The following USP19 variants were observed in gnomAD, a reference collection of about 807,000 sequenced individuals.
USP19 encodes ubiquitin carboxyl-terminal hydrolase 19.
USP19 carries 40 observed loss-of-function variants against 144.8 expected under a neutral mutation model. The observed-to-expected ratio is 0.28, with a 90% confidence interval of 0.21 to 0.36. USP19 has a LOEUF of 0.36. Ranked by LOEUF, USP19 falls within the 10% of genes least tolerant of loss-of-function variation. The probability of loss-of-function intolerance (pLI) is 1.00; values close to 1 mark genes in which losing one functional copy is unlikely to be tolerated. For synonymous variants in USP19, 701 were observed against 709.3 expected (o/e 0.99, Z 0.19); for missense variants, 1,518 against 1,822.5 (o/e 0.83, Z 3.04).
Position 49,116,044 on chromosome 3 carries a change from G to A in USP19, c.1471+3C>T, listed in dbSNP as rs1560027496. 2 of 1,595,196 alleles carry A rather than the reference G, an allele frequency of 1.3e-6. No homozygotes were observed. Among genetic ancestry groups the A allele is most frequent in the Non-Finnish European group, 1.7e-6 (2 of 1,174,794 alleles). On this transcript the variant is annotated splice_donor_region_variant and intron_variant, in intron 10 of 26. Transcript: ENST00000417901. This position sits in a 1 kb window ranked among gnomAD's most constrained non-coding sequence, Gnocchi z 5.0. ...GGGCAATGAAGGGAGCTCGTGTGCAGACCTCGTGCAGCCGGGGCCTCCAGG... is the reference window on the plus strand; with the variant it reads ...GGGCAATGAAGGGAGCTCGTGTGCAAACCTCGTGCAGCCGGGGCCTCCAGG...
Position 49,116,446 on chromosome 3 carries a change from C to A in USP19, c.1283+5G>T. ...CATTGTTTGCCCCATCATCTACCCA[C>A]CCACCTGGTCTGGAAGATGAGCGTG... is the stretch of plus-strand genomic sequence containing the variant. On this transcript the variant is annotated splice_donor_5th_base_variant and intron_variant, in intron 8 of 26. Coordinates refer to ENST00000417901, the MANE Select transcript of USP19 (RefSeq NM_001199161.2). This position sits in a 1 kb window ranked among gnomAD's most constrained non-coding sequence, Gnocchi z 5.0. The A allele has an allele frequency of 6.2e-7, 1 of 1,614,204 alleles. No individual in the cohort carries two copies. The highest frequency in any genetic ancestry group is 8.5e-7 in the Non-Finnish European group (1 of 1,180,020).
In USP19 at chr3:49,111,255, C is replaced by T; in HGVS notation, c.3328G>A (p.Gly1110Arg). The change falls in exon 22 of 27, where the codon GGA becomes AGA. Residue 1110 changes from glycine (G) to arginine (R), a missense_variant and splice_region_variant. By Grantham distance (125) the Gly-to-Arg change is moderately radical. Around this residue, in one of 5 missense-constraint regions of USP19, gnomAD observed 413 missense variants for 515.8 expected, o/e 0.80. Transcript: ENST00000417901. This position sits in a 1 kb window ranked among gnomAD's most constrained non-coding sequence, Gnocchi z 5.9. ...GGCTCCCACCCACAGCCTCAGACAC[C>T]TTTGTCCTCTAGCCGCTGCTCTCGG... Reference protein sequence around the residue: ...SNREQRLEDKGDTPLELGDDC... With the variant: ...SNREQRLEDKRDTPLELGDDC... 6.2e-7 allele frequency: 1 copy of T among 1,614,170 alleles called. No homozygotes were observed. Among genetic ancestry groups the T allele is most frequent in the Non-Finnish European group, 8.5e-7 (1 of 1,180,030 alleles).
rs1191513334 is a variant in USP19 at position 49,110,298 on chromosome 3, A to G, written c.3924T>C (p.Tyr1308=). Residue 1308 remains tyrosine (Y), a synonymous_variant, in exon 26 of 27, where the codon TAT becomes TAC. Transcript: ENST00000417901. This position sits in a 1 kb window ranked among gnomAD's most constrained non-coding sequence, Gnocchi z 6.1. ...GCCGGCGGTAGAAGAGTACATAGGC[A>G]TAACGCGTCACAACCTGGCTCTCGT... is the stretch of plus-strand genomic sequence containing the variant. ...TVDESQVVTR[Y]AYVLFYRRRN... 3 of 1,608,460 alleles carry G rather than the reference A, an allele frequency of 1.9e-6. No homozygotes were observed. The highest frequency in any genetic ancestry group is 1.7e-6 in the Non-Finnish European group (2 of 1,176,468).
intron 1 of USP19, among the ~76,000 whole-genome samples, chr3:49,120,312 T>G (rs2044997815): frequency 6.6e-6 from 1 of 152,202 alleles, no homozygotes; most frequent in Non-Finnish European, 1.5e-5. Flanking sequence ...ACTGGTGGGC[T>G]GGATCTTTAA....
Position 49,110,980 on chromosome 3 carries a change from C to T in USP19, c.3515G>A (p.Arg1172Gln), listed in dbSNP as rs2107268307. 2 of 1,614,040 alleles carry T rather than the reference C, an allele frequency of 1.2e-6. No homozygotes were observed. Among genetic ancestry groups the T allele is most frequent in the Non-Finnish European group, 8.5e-7 (1 of 1,180,048 alleles). ...TLDQCLNLFT[R>Q]PEVLAPEEAW... ...CTCCTCGGGTGCCAGCACCTCAGGC[C>T]GTGTGAAGAGGTTGAGGCACTGGTC... The change falls in exon 23 of 27, where the codon CGG becomes CAG. Residue 1172 changes from arginine to glutamine, a missense_variant. Arg to Gln is a conservative substitution (Grantham distance 43). Around this residue, in one of 5 missense-constraint regions of USP19, gnomAD observed 122 missense variants for 200.4 expected, o/e 0.61. Transcript: ENST00000417901. The surrounding 1 kb of genome is among the most constrained non-coding windows in gnomAD (Gnocchi z 6.1).
rs987733658 is a variant in USP19 at position 49,114,820 on chromosome 3, G to A, written c.2235C>T (p.Ile745=). 2.1e-5 allele frequency: 34 copies of A among 1,614,068 alleles called. No individual in the cohort carries two copies. Among genetic ancestry groups the A allele is most frequent in the East Asian group, 1.3e-4 (6 of 44,902 alleles). ...QRHKMRNDSF[I]VDLFQGQYKS... ...TGTACTGCCCCTGAAATAGGTCCAC[G>A]ATGAAAGAGTCATTCCTCATCTTGT... The change falls in exon 15 of 27, where the codon ATC becomes ATT. Residue 745 remains isoleucine (I), a synonymous_variant. Coordinates refer to ENST00000417901, the MANE Select transcript of USP19 (RefSeq NM_001199161.2). This position sits in a 1 kb window ranked among gnomAD's most constrained non-coding sequence, Gnocchi z 4.5.
chr3:49,110,719 G>A lies in USP19; in HGVS notation c.3690C>T (p.Phe1230=), dbSNP rs2043018764. 1 of 1,613,808 alleles carries A rather than the reference G, an allele frequency of 6.2e-7. No individual in the cohort carries two copies. Among genetic ancestry groups the A allele is most frequent in the Non-Finnish European group, 8.5e-7 (1 of 1,179,996 alleles). ...CAAGGTCCACTGCTTACCTAACAGG[G>A]AACTCCACCAAGTCATTGATCTTGT... ...WRDKINDLVE[F]PVRNLDLSKF... is the part of the protein sequence containing the mutation. Residue 1230 remains phenylalanine (F), a synonymous_variant, in exon 24 of 27, where the codon TTC becomes TTT. Coordinates refer to ENST00000417901, the MANE Select transcript of USP19 (RefSeq NM_001199161.2). This position sits in a 1 kb window ranked among gnomAD's most constrained non-coding sequence, Gnocchi z 6.1.
In USP19 at chr3:49,115,837, C is replaced by T. The variant is rs1409745517; in HGVS notation, c.1579G>A (p.Ala527Thr). The T allele has an allele frequency of 2.5e-6, 4 of 1,613,214 alleles. No homozygotes were observed. Among genetic ancestry groups the T allele is most frequent in the Non-Finnish European group, 3.4e-6 (4 of 1,179,462 alleles). The change falls in exon 11 of 27, where the codon GCT becomes ACT. Residue 527 changes from alanine (A) to threonine (T), a missense_variant. Coordinates refer to ENST00000417901, the MANE Select transcript of USP19 (RefSeq NM_001199161.2). This position sits in a 1 kb window ranked among gnomAD's most constrained non-coding sequence, Gnocchi z 6.6. Reference sequence around the variant, plus strand: ...GCCTTGGATTTATCCTTCTCCACAGCCCGGGCCTCCTCCTGGCCTGTCAGG... The same window carrying T: ...GCCTTGGATTTATCCTTCTCCACAGTCCGGGCCTCCTCCTGGCCTGTCAGG... Reference protein sequence around the residue: ...HPLTGQEEARAVEKDKSKARS... With the variant: ...HPLTGQEEARTVEKDKSKARS...
In USP19 at chr3:49,112,407, G is replaced by A. The variant is rs1207202462; in HGVS notation, c.2647-5C>T. 1 of 1,613,866 alleles carries A rather than the reference G, an allele frequency of 6.2e-7. No individual in the cohort carries two copies. The highest frequency in any genetic ancestry group is 1.3e-5 in the African/African-American group (1 of 74,868). The stretch of plus-strand genomic sequence containing the variant: ...GACGCTGGGCACCTGGGGGCGCTAG[G>A]GTGGGTCGTCTGGCTCAGCAAGACC... On this transcript the variant is annotated splice_polypyrimidine_tract_variant and splice_region_variant and intron_variant, in intron 18 of 26. Coordinates refer to ENST00000417901, the MANE Select transcript of USP19 (RefSeq NM_001199161.2). The surrounding 1 kb of genome is among the most constrained non-coding windows in gnomAD (Gnocchi z 4.9).
chr3:49,108,437 T>C lies in USP19; in HGVS notation c.4130A>G (p.Tyr1377Cys). The C allele has an allele frequency of 1.4e-6, 2 of 1,383,818 alleles. No homozygotes were observed. Among genetic ancestry groups the C allele is most frequent in the Non-Finnish European group, 9.5e-7 (1 of 1,055,146 alleles). 85.7% of individuals were successfully genotyped at this position (1,383,818 alleles called of 1,614,324 possible). ...APPVDRPAPTYSNMEEVD is the reference protein window; with the variant it reads ...APPVDRPAPTCSNMEEVD Reference sequence around the variant, plus strand: ...CTAATCCACCTCCTCCATGTTGCTGTAGGTGGGGGCTGGCCGATCCACAGG... The same window carrying C: ...CTAATCCACCTCCTCCATGTTGCTGCAGGTGGGGGCTGGCCGATCCACAGG... The change falls in exon 27 of 27, where the codon TAC becomes TGC. Residue 1377 changes from tyrosine to cysteine, a missense_variant. Around this residue, in one of 5 missense-constraint regions of USP19, gnomAD observed 118 missense variants for 100.2 expected, o/e 1.18. Coordinates refer to ENST00000417901, the MANE Select transcript of USP19 (RefSeq NM_001199161.2). This position sits in a 1 kb window ranked among gnomAD's most constrained non-coding sequence, Gnocchi z 4.8.
At position 49,117,924 on chromosome 3, in the gene USP19, C is replaced by T. The variant is rs1454254300; in HGVS notation, c.298+23G>A. 3 of 1,611,998 alleles carry T rather than the reference C, an allele frequency of 1.9e-6. No individual in the cohort carries two copies. The highest frequency in any genetic ancestry group is 1.1e-5 in the South Asian group (1 of 90,892). On this transcript the variant is annotated intron_variant, in intron 3 of 26. Coordinates refer to ENST00000417901, the MANE Select transcript of USP19 (RefSeq NM_001199161.2). This position sits in a 1 kb window ranked among gnomAD's most constrained non-coding sequence, Gnocchi z 4.4. ...AGTGCCCCCTCCCCTTCCCTAGCAA[C>T]AAAAAGCCCATTCGTTACTGACCCT...
Position 49,114,141 on chromosome 3 carries a change from G to T in USP19, c.2403+33C>A, listed in dbSNP as rs781237727. 20 of 1,614,108 alleles carry T rather than the reference G, an allele frequency of 1.2e-5. No individual in the cohort carries two copies. The highest frequency in any genetic ancestry group is 1.5e-5 in the Non-Finnish European group (18 of 1,179,932). The stretch of plus-strand genomic sequence containing the variant: ...TGAGGGAGGTGGGCCACGTTCTCTA[G>T]AACAGCCCAGAGGGTAGGGGCTTAC... On this transcript the variant is annotated intron_variant, in intron 16 of 26. Coordinates refer to ENST00000417901, the MANE Select transcript of USP19 (RefSeq NM_001199161.2). The surrounding 1 kb of genome is among the most constrained non-coding windows in gnomAD (Gnocchi z 4.5).
In USP19 at chr3:49,112,222, A is replaced by C. The variant is rs2043280171; in HGVS notation, c.2765+62T>G. 2 of 1,561,038 alleles carry C rather than the reference A, an allele frequency of 1.3e-6. No homozygotes were observed. The highest frequency in any genetic ancestry group is 1.9e-5 in the Admixed American group (1 of 52,142). ...GCATATGTGCCTTGGTGTGAAGGGA[A>C]GGAGCAGGGTGGCACATGGAAGGTG... is the stretch of plus-strand genomic sequence containing the variant. On this transcript the variant is annotated intron_variant, in intron 19 of 26. Transcript: ENST00000417901. This position sits in a 1 kb window ranked among gnomAD's most constrained non-coding sequence, Gnocchi z 4.9.
In USP19 at chr3:49,114,963, T is replaced by G; in HGVS notation, c.2177A>C (p.Asp726Ala). ...CCCTCTGTCCCTAACCCTGACCTCA[T>G]CGGGCCGCCCATCTGAATCCACGGT... ...TETVDSDGRP[D>A]EVVAEEAWQR... Residue 726 changes from aspartate (D) to alanine (A), a missense_variant, in exon 14 of 27, where the codon GAT becomes GCT. Asp to Ala is a moderately radical substitution (Grantham distance 126). This residue lies in a region of USP19 where 158 missense variants were observed against 277.3 expected (regional missense o/e 0.57). Transcript: ENST00000417901. The surrounding 1 kb of genome is among the most constrained non-coding windows in gnomAD (Gnocchi z 4.5). 1 of 1,614,140 alleles carries G rather than the reference T, an allele frequency of 6.2e-7. No homozygotes were observed. The highest frequency in any genetic ancestry group is 8.5e-7 in the Non-Finnish European group (1 of 1,180,018).
intron 17 of USP19, among the ~76,000 whole-genome samples, chr3:49,113,037 C>T (rs2043426487): frequency 6.6e-6 from 1 of 152,160 alleles, no homozygotes; most frequent in Admixed American, 6.5e-5. Flanking sequence ...GCACACACAA[C>T]TGGGATAAAA....
At position 49,115,553 on chromosome 3, in the gene USP19, C is replaced by A. The variant is rs1263379821; in HGVS notation, c.1779G>T (p.Lys593Asn). 2 of 1,614,026 alleles carry A rather than the reference C, an allele frequency of 1.2e-6. No individual in the cohort carries two copies. Among genetic ancestry groups the A allele is most frequent in the Middle Eastern group, 3.3e-4 (2 of 6,062 alleles). ...GGCCAGTGAAGCCTGGCAGACACAC[C>A]TTCTTCTCTTCCTCTTCCTCCTCCT... ...SVEEEEEEEK[K>N]VCLPGFTGLV... The change falls in exon 12 of 27, where the codon AAG becomes AAT. Residue 593 changes from lysine (K) to asparagine (N), a missense_variant. Transcript: ENST00000417901. The surrounding 1 kb of genome is among the most constrained non-coding windows in gnomAD (Gnocchi z 6.6).
At position 49,116,010 on chromosome 3, in the gene USP19, C is replaced by A; in HGVS notation, c.1471+37G>T. The A allele has an allele frequency of 6.3e-7, 1 of 1,575,940 alleles. No homozygotes were observed. The highest frequency in any genetic ancestry group is 8.6e-7 in the Non-Finnish European group (1 of 1,164,584). On this transcript the variant is annotated intron_variant, in intron 10 of 26. Coordinates refer to ENST00000417901, the MANE Select transcript of USP19 (RefSeq NM_001199161.2). This position sits in a 1 kb window ranked among gnomAD's most constrained non-coding sequence, Gnocchi z 5.0. ...GTGACAGGGGTTTGGGTCCTGGTCACGTGGAACTGGGCAATGAAGGGAGCT... is the reference window on the plus strand; with the variant it reads ...GTGACAGGGGTTTGGGTCCTGGTCAAGTGGAACTGGGCAATGAAGGGAGCT...
In USP19 at chr3:49,108,222, CAAA is replaced by C. The variant is rs2042631462; in HGVS notation, c.*187_*189del. The stretch of plus-strand genomic sequence containing the variant: ...CAGCACTGGAGGCGGCTGGAGAAGC[CAAA>C]GCCCACTGGTCAGGGGTCCAAGCTG... On this transcript the variant is annotated 3_prime_UTR_variant, in exon 27 of 27. Transcript: ENST00000417901. The surrounding 1 kb of genome is among the most constrained non-coding windows in gnomAD (Gnocchi z 4.8). The C allele has an allele frequency of 4.0e-6, 1 of 248,782 alleles. No individual in the cohort carries two copies. The highest frequency in any genetic ancestry group is 8.1e-6 in the Non-Finnish European group (1 of 123,920). 15.4% of individuals were successfully genotyped at this position (248,782 alleles called of 1,614,324 possible).
Position 49,108,860 on chromosome 3 carries a change from G to C in USP19, c.4039-332C>G. 6.8e-7 allele frequency: 1 copy of C among 1,474,080 alleles called. No homozygotes were observed. Among genetic ancestry groups the C allele is most frequent in the Non-Finnish European group, 9.0e-7 (1 of 1,110,942 alleles). 91.3% of individuals were successfully genotyped at this position (1,474,080 alleles called of 1,614,324 possible). The stretch of plus-strand genomic sequence containing the variant: ...CCACCCTCTCCCACCAGATGCATAA[G>C]CTGAGGCCCAAAGCCCAGAGGTGTT... On this transcript the variant is annotated intron_variant, in intron 26 of 26. Transcript: ENST00000417901. The surrounding 1 kb of genome is among the most constrained non-coding windows in gnomAD (Gnocchi z 4.8).
Sources: allele counts gnomAD v4.1 joint callset (sites outside exome capture counted in the v4.1 genomes callset), GRCh38; gene constraint gnomAD v4.1.1; regional missense constraint gnomAD v4.1.1; non-coding constraint Gnocchi (gnomAD v3.1); transcripts MANE v1.5; gene names NCBI Gene and HGNC (gene_info 2026-07-23, HGNC 2026-07-21).